The following PAPPA2 variants were observed in gnomAD, a reference collection of about 807,000 sequenced individuals.
PAPPA2 encodes pappalysin-2.
A neutral mutation model predicts 176.4 loss-of-function variants in PAPPA2; 86 were observed. That is an observed-to-expected ratio of 0.49 (90% CI 0.41 to 0.58). The LOEUF is 0.58. Among genes scored for constraint, PAPPA2 ranks in the 20% least tolerant of loss-of-function variants. The pLI is 0.00. For missense variants in PAPPA2, 2,073 were observed against 2,256.9 expected (o/e 0.92, Z 1.65); for synonymous variants, 809 against 852.2 (o/e 0.95, Z 0.88).
At chr1:176,481,485 A>G (rs1652401057) in intron 1 of PAPPA2, among the ~76,000 whole-genome samples, 1 of 151,982 alleles carries the variant, frequency 6.6e-6, no homozygotes, top group Non-Finnish European at 1.5e-5. Flanking sequence ...CCAGGAGAAA[A>G]ACAGTGGTTT....
At chr1:176,789,404 G>A (rs1665079311) in intron 17 of PAPPA2, among the ~76,000 whole-genome samples, 1 of 152,000 alleles carries the variant, frequency 6.6e-6, no homozygotes, top group African/African-American at 2.4e-5. Context: ...GACTGTTGTG[G>A]GGTGGGGGGA....
intron 12 of PAPPA2, among the ~76,000 whole-genome samples, chr1:176,726,097 A>G (rs1036595641): frequency 7.2e-5 from 11 of 152,214 alleles, no homozygotes; most frequent in African/African-American, 2.7e-4. Flanking sequence ...TCACTTCTCT[A>G]TAACATTCCT....
intron 7 of PAPPA2, among the ~76,000 whole-genome samples, chr1:176,697,516 C>T (rs957136632): frequency 2.0e-5 from 3 of 152,160 alleles, no homozygotes; most frequent in African/African-American, 7.2e-5. Context: ...TAATCTCTAA[C>T]AGAGCAGGCA....
intron 3 of PAPPA2, among the ~76,000 whole-genome samples, chr1:176,639,744 C>T (rs940516654): frequency 2.5e-4 from 36 of 142,034 alleles, no homozygotes; most frequent in South Asian, 1.8e-3. Context: ...GATGGAGTTT[C>T]GCTCTTGTTG....
chr1:176,660,362 G>GTA (rs1658293697), intron 3 of PAPPA2, among the ~76,000 whole-genome samples: 1 of 151,576 alleles, frequency 6.6e-6, no homozygotes, highest in African/African-American at 2.4e-5. Flanking sequence ...GTGTGTGTGT[G>GTA]CTTAAGTGTA....
chr1:176,686,328 A>G (rs1331823056), intron 4 of PAPPA2, among the ~76,000 whole-genome samples: 1 of 152,174 alleles, frequency 6.6e-6, no homozygotes, highest in East Asian at 1.9e-4. Flanking sequence ...GAGTGCCAGT[A>G]TGGGAAATGC....
chr1:176,559,734 A>G (rs1013484760), intron 2 of PAPPA2, among the ~76,000 whole-genome samples: 1 of 152,222 alleles, frequency 6.6e-6, no homozygotes, highest in African/African-American at 2.4e-5. Context: ...TGGGAGCCAC[A>G]TACAATTCAG....
intron 1 of PAPPA2, among the ~76,000 whole-genome samples, chr1:176,500,884 T>A (rs920913077): frequency 6.6e-6 from 1 of 152,014 alleles, no homozygotes; most frequent in East Asian, 1.9e-4. Flanking sequence ...TTGACTAATA[T>A]GTGCTTTACT....
chr1:176,610,201 G>A (rs538664208), intron 3 of PAPPA2, among the ~76,000 whole-genome samples: 1 of 151,788 alleles, frequency 6.6e-6, no homozygotes, highest in East Asian at 2.0e-4. Context: ...GAATGGCTAT[G>A]TCTCCTATTC....
intron 17 of PAPPA2, among the ~76,000 whole-genome samples, chr1:176,785,328 GC>G (rs757251322): frequency 3.3e-5 from 5 of 152,078 alleles, no homozygotes; most frequent in Non-Finnish European, 7.4e-5. Context: ...TCACTATTGG[GC>G]CCCGAGATAC....
intron 3 of PAPPA2, among the ~76,000 whole-genome samples, chr1:176,615,404 G>A (rs758807146): frequency 1.3e-5 from 2 of 152,152 alleles, no homozygotes; most frequent in Non-Finnish European, 2.9e-5. Flanking sequence ...TCCGCCTCCC[G>A]GGTTCATGCC....
At chr1:176,484,751 C>A (rs1028360544) in intron 1 of PAPPA2, among the ~76,000 whole-genome samples, 9 of 152,198 alleles carry the variant, frequency 5.9e-5, no homozygotes, top group Admixed American at 2.0e-4. Flanking sequence ...TCTGTTCTTG[C>A]ATGTCATCTG....
chr1:176,554,308 C>G (rs1181611717), intron 1 of PAPPA2, among the ~76,000 whole-genome samples: 1 of 152,172 alleles, frequency 6.6e-6, no homozygotes, highest in Non-Finnish European at 1.5e-5. Flanking sequence ...CAAGCAGTGA[C>G]TTTAAAAGTG....
In PAPPA2 at chr1:176,595,410, C is replaced by T. The variant is rs377529211; in HGVS notation, c.1806C>T (p.His602=). The T allele has an allele frequency of 1.9e-6, 3 of 1,614,216 alleles. No homozygotes were observed. The highest frequency in any genetic ancestry group is 2.5e-6 in the Non-Finnish European group (3 of 1,180,030). ...ACCATTGTGACCCCGAGTGTGAGCA[C>T]CCACTCACAGGCTATGATGGGGGTG... ...GNDHCDPECE[H]PLTGYDGGDC... The change falls in exon 3 of 23, where the codon CAC becomes CAT. Residue 602 remains histidine (H), a synonymous_variant. Coordinates refer to ENST00000367662, the MANE Select transcript of PAPPA2 (RefSeq NM_020318.3).
At chr1:176,626,622 A>C (rs1656035212) in intron 3 of PAPPA2, among the ~76,000 whole-genome samples, 2 of 152,206 alleles carry the variant, frequency 1.3e-5, no homozygotes, top group African/African-American at 2.4e-5. Flanking sequence ...ATAAAAACTT[A>C]GACAGTGTTT....
At chr1:176,592,566 A>T (rs1012914233) in intron 2 of PAPPA2, among the ~76,000 whole-genome samples, 1 of 152,214 alleles carries the variant, frequency 6.6e-6, no homozygotes, top group African/African-American at 2.4e-5. Context: ...ATAATAGACT[A>T]GAAGTTCTAG....
intron 4 of PAPPA2, among the ~76,000 whole-genome samples, chr1:176,674,960 A>G (rs1192570068): frequency 6.6e-6 from 1 of 151,950 alleles, no homozygotes; most frequent in Non-Finnish European, 1.5e-5. Flanking sequence ...ATTTTTTAAA[A>G]AAATTATGGC....
chr1:176,689,628 C>T (rs910493725), intron 4 of PAPPA2, among the ~76,000 whole-genome samples: 13 of 152,274 alleles, frequency 8.5e-5, no homozygotes, highest in South Asian at 2.1e-4. Flanking sequence ...GGAGGTAAGA[C>T]GGCTGTTCAA....
intron 15 of PAPPA2, among the ~76,000 whole-genome samples, chr1:176,767,166 A>T (rs1243993647): frequency 2.0e-5 from 3 of 152,220 alleles, no homozygotes; most frequent in African/African-American, 7.2e-5. Flanking sequence ...TCCAGAAAAG[A>T]AATAAAAAGA....
Sources: gnomAD v4.1 joint callset for allele counts (sites outside exome capture counted in the v4.1 genomes callset) on GRCh38, gnomAD v4.1.1 for gene constraint, MANE v1.5 for transcripts, NCBI Gene and HGNC (gene_info 2026-07-23, HGNC 2026-07-21) for gene names.